Variants in BMERB1 observed in about 807,000 individuals in gnomAD.
BMERB1 encodes the protein bMERB domain-containing protein 1.
BMERB1 carries 12 observed loss-of-function variants against 23.6 expected under a neutral mutation model. The observed-to-expected ratio is 0.51, with a 90% CI of 0.33 to 0.82. The LOEUF is 0.82. BMERB1 is among the 40% of genes least tolerant of loss of function. BMERB1 has a pLI of 0.03. For missense variants in BMERB1, 247 were observed against 255.4 expected, an observed-to-expected ratio of 0.97 and a Z score of 0.22; for synonymous variants, 122 against 96.6, an observed-to-expected ratio of 1.26 and a Z score of -1.54.
chr16:15,500,736 C>A (rs980145724), intron 1 of BMERB1, among the ~76,000 whole-genome samples: 4 of 152,206 alleles, frequency 2.6e-5, no homozygotes, highest in African/African-American at 4.8e-5. Flanking sequence ...ACTGCAACCT[C>A]CATCCCCCAG....
chr16:15,567,280 TTCTC>T (rs2030597955), intron 2 of BMERB1, among the ~76,000 whole-genome samples: 1 of 152,210 alleles, frequency 6.6e-6, no homozygotes, highest in Admixed American at 6.5e-5. Context: ...TTGACAATGA[TTCTC>T]TCCGAAGGAC....
At chr16:15,470,150 C>T (rs1243845026) in intron 1 of BMERB1, among the ~76,000 whole-genome samples, 3 of 152,068 alleles carry the variant, frequency 2.0e-5, no homozygotes, top group African/African-American at 7.2e-5. Flanking sequence ...AGAATGTTCT[C>T]CCTTATTCCT....
intron 1 of BMERB1, among the ~76,000 whole-genome samples, chr16:15,492,784 T>C (rs2051434017): frequency 2.0e-5 from 3 of 151,970 alleles, no homozygotes; most frequent in Admixed American, 6.5e-5. Flanking sequence ...CCAGGCATGG[T>C]GGCACACACC....
At chr16:15,448,990 AT>A (rs1317961664) in intron 1 of BMERB1, among the ~76,000 whole-genome samples, 4 of 152,232 alleles carry the variant, frequency 2.6e-5, no homozygotes, top group Middle Eastern at 3.4e-3. Context: ...CACACCTTAA[AT>A]TTTTGATTCT....
Position 15,583,150 on chromosome 16 carries a change from T to C in BMERB1, c.420-6T>C. The C allele has an allele frequency of 1.2e-6, 2 of 1,608,458 alleles. No individual in the cohort carries two copies. The highest frequency in any genetic ancestry group is 1.7e-6 in the Non-Finnish European group (2 of 1,174,810). Reference sequence around the variant, plus strand: ...CTTCTTTTCTTTTACCCATCTACTTTCACAGGGAGCAAGAAGAAGACAAGG... The same window carrying C: ...CTTCTTTTCTTTTACCCATCTACTTCCACAGGGAGCAAGAAGAAGACAAGG... On this transcript the variant is annotated splice_polypyrimidine_tract_variant and splice_region_variant and intron_variant, in intron 4 of 5. Coordinates refer to ENST00000300006, the MANE Select transcript of BMERB1 (RefSeq NM_033201.3).
chr16:15,458,102 G>T (rs908930272), intron 1 of BMERB1, among the ~76,000 whole-genome samples: 3 of 152,158 alleles, frequency 2.0e-5, no homozygotes. Context: ...AGATTTGGGT[G>T]GGGACACAAA....
intron 2 of BMERB1, among the ~76,000 whole-genome samples, chr16:15,567,688 G>C (rs747464839): frequency 6.6e-6 from 1 of 152,022 alleles, no homozygotes; most frequent in Non-Finnish European, 1.5e-5. Flanking sequence ...GCTTGAACCC[G>C]GAAGGTGGAG....
At chr16:15,488,669 TAAA>T (rs35263139) in intron 1 of BMERB1, among the ~76,000 whole-genome samples, 3 of 132,812 alleles carry the variant, frequency 2.3e-5, no homozygotes, top group Non-Finnish European at 3.2e-5. Flanking sequence ...CCATCTCTAC[TAAA>T]AAAAAAAAAA....
At chr16:15,490,075 A>T (rs1030218488) in intron 1 of BMERB1, among the ~76,000 whole-genome samples, 1 of 152,070 alleles carries the variant, frequency 6.6e-6, no homozygotes, top group Non-Finnish European at 1.5e-5. Flanking sequence ...CGTATGAGCC[A>T]GGATCCTCTC....
chr16:15,434,855 A>C, intron 1 of BMERB1, 96 bp downstream of exon 1: 1 of 1,063,058 alleles, frequency 9.4e-7, no homozygotes, highest in Non-Finnish European at 1.3e-6. Context: ...CCAGCAGTGG[A>C]CCCAGGGAAG....
chr16:15,546,685 A>G (rs941278970), intron 2 of BMERB1, among the ~76,000 whole-genome samples: 2 of 152,188 alleles, frequency 1.3e-5, no homozygotes, highest in African/African-American at 4.8e-5. Flanking sequence ...TAGTCTAACT[A>G]AGGTCTGAGT....
At chr16:15,454,706 C>T (rs2051069020) in intron 1 of BMERB1, among the ~76,000 whole-genome samples, 1 of 151,826 alleles carries the variant, frequency 6.6e-6, no homozygotes, top group South Asian at 2.1e-4. Context: ...GCAGGAGAAT[C>T]GCTTGAACCC....
chr16:15,459,308 C>G lies in BMERB1; in HGVS notation c.106+24549C>G, dbSNP rs557056719. On this transcript the variant is annotated intron_variant, in intron 1 of 5. Transcript: ENST00000300006. ...TACATAAATGCAAATGGATTAAATA[C>G]TCCAATCAACAGGCAAAGATCGTCA... Among the ~76,000 whole-genome samples, 5 of 151,388 alleles carry G rather than the reference C, an allele frequency of 3.3e-5. No homozygotes were observed. The South Asian group carries it at 1.0e-3, about 31-fold the overall frequency.
chr16:15,572,680 C>G (rs908948436), intron 3 of BMERB1, among the ~76,000 whole-genome samples: 3 of 152,168 alleles, frequency 2.0e-5, no homozygotes, highest in Admixed American at 1.3e-4. Flanking sequence ...TGCAATTGAT[C>G]TGGCATTGTT....
At chr16:15,446,051 A>G (rs1195369777) in intron 1 of BMERB1, among the ~76,000 whole-genome samples, 5 of 152,252 alleles carry the variant, frequency 3.3e-5, no homozygotes, top group Non-Finnish European at 7.4e-5. Flanking sequence ...AACTTAAACT[A>G]TTGTATACAG....
intron 1 of BMERB1, among the ~76,000 whole-genome samples, chr16:15,500,074 T>C (rs2150942870): frequency 6.6e-6 from 1 of 152,332 alleles, no homozygotes; most frequent in Non-Finnish European, 1.5e-5. Context: ...AACTTATCAC[T>C]GCCCATCTCC....
At chr16:15,562,250 C>G (rs986392552) in intron 2 of BMERB1, among the ~76,000 whole-genome samples, 2 of 150,592 alleles carry the variant, frequency 1.3e-5, no homozygotes, top group African/African-American at 4.9e-5. Flanking sequence ...TTGCAATGAG[C>G]CAAGATCGCG....
At chr16:15,576,412 G>A (rs921943885) in intron 3 of BMERB1, among the ~76,000 whole-genome samples, 1 of 152,108 alleles carries the variant, frequency 6.6e-6, no homozygotes, top group Non-Finnish European at 1.5e-5. Context: ...GGAACCGCCA[G>A]GCCTGTTCCC....
At chr16:15,474,941 C>A (rs937329395) in intron 1 of BMERB1, among the ~76,000 whole-genome samples, 1 of 152,100 alleles carries the variant, frequency 6.6e-6, no homozygotes, top group Non-Finnish European at 1.5e-5. Flanking sequence ...ACCCGCTTGG[C>A]CTCCCAAAGC....
Sources: gnomAD v4.1 joint callset for allele counts (sites outside exome capture counted in the v4.1 genomes callset) on GRCh38, gnomAD v4.1.1 for gene constraint, MANE v1.5 for transcripts, NCBI Gene and HGNC (gene_info 2026-07-23, HGNC 2026-07-21) for gene names.